Variants in THSD7A observed in about 807,000 individuals in gnomAD.
THSD7A encodes the protein thrombospondin type 1 domain containing 7A.
A neutral mutation model predicts 231.3 loss-of-function variants in THSD7A; 96 were observed. The ratio of observed to expected loss-of-function variants is 0.41; its 90% CI spans 0.35 to 0.49. The LOEUF (loss-of-function observed/expected upper bound fraction) is 0.49. Ranked by LOEUF, THSD7A falls within the 20% of genes least tolerant of loss-of-function variation. The pLI is 0.05. For synonymous variants in THSD7A, 940 were observed against 743.3 expected (o/e 1.26, Z -4.30); for missense variants, 2,290 against 2,070.2 (o/e 1.11, Z -2.06).
chr7:11,710,408 A>G (rs1265622133), intron 1 of THSD7A, among the ~76,000 whole-genome samples: 4 of 150,886 alleles, frequency 2.7e-5, no homozygotes, highest in South Asian at 2.1e-4. Flanking sequence ...TGTTCAATCC[A>G]CTCATCAAAG....
chr7:11,376,208 T>C (rs1004927164), intron 27 of THSD7A, among the ~76,000 whole-genome samples: 1 of 152,098 alleles, frequency 6.6e-6, no homozygotes, highest in Non-Finnish European at 1.5e-5. Flanking sequence ...ATGCATAATT[T>C]ATAAATTATA....
chr7:11,508,897 T>G (rs1185935892), intron 6 of THSD7A, among the ~76,000 whole-genome samples: 2 of 152,118 alleles, frequency 1.3e-5, no homozygotes, highest in East Asian at 3.9e-4. Context: ...ATAGTTAAAT[T>G]CATAGAATCA....
rs1783417918 is a variant in THSD7A, at chr7:11,401,875, C to A, written c.4331G>T (p.Arg1444Ile). The A allele has an allele frequency of 6.2e-7, 1 of 1,613,832 alleles. No homozygotes were observed. The highest frequency in any genetic ancestry group is 8.5e-7 in the Non-Finnish European group (1 of 1,179,892). The change falls in exon 23 of 28, where the codon AGA (arginine) becomes ATA (isoleucine). Residue 1444 changes from arginine to isoleucine, a missense_variant. By Grantham distance (97) the Arg-to-Ile change is moderately conservative. Coordinates refer to ENST00000423059, the MANE Select transcript of THSD7A (RefSeq NM_015204.3). Reference protein sequence around the residue: ...EDLGFGGIQVRSRPVIIQELE... With the variant: ...EDLGFGGIQVISRPVIIQELE... ...TTCTTGTATAATCACCGGTCTGGATCTGACCTGTATTCCACCAAAGCCTAG... is the reference window on the plus strand; with the variant it reads ...TTCTTGTATAATCACCGGTCTGGATATGACCTGTATTCCACCAAAGCCTAG...
chr7:11,592,870 T>C (rs1780218094), intron 3 of THSD7A, among the ~76,000 whole-genome samples: 1 of 152,146 alleles, frequency 6.6e-6, no homozygotes, highest in African/African-American at 2.4e-5. Flanking sequence ...TTTTTTTTTA[T>C]ATAAATAAAA....
intron 1 of THSD7A, among the ~76,000 whole-genome samples, chr7:11,724,564 C>T (rs115899165): frequency 6.6e-6 from 1 of 151,944 alleles, no homozygotes; most frequent in African/African-American, 2.4e-5. Context: ...CACATACCCC[C>T]ACACCTACAA....
rs1417007680 is a variant in THSD7A at position 11,634,480 on chromosome 7, A to G, written c.1022+1650T>C. On this transcript the variant is annotated intron_variant, in intron 2 of 27. Coordinates refer to ENST00000423059, the MANE Select transcript of THSD7A (RefSeq NM_015204.3). The surrounding 1 kb of genome is among the most constrained non-coding windows in gnomAD (Gnocchi z 4.1). ...ATTTGATGTCAGCCAAGTAACTAATATAACTGTAATATACTTCAGGAAAAG... is the reference window on the plus strand; with the variant it reads ...ATTTGATGTCAGCCAAGTAACTAATGTAACTGTAATATACTTCAGGAAAAG... Among the ~76,000 whole-genome samples the G allele has an allele frequency of 6.6e-6, 1 of 152,208 alleles. No individual in the cohort carries two copies. The highest frequency in any genetic ancestry group is 1.5e-5 in the Non-Finnish European group (1 of 68,036).
At chr7:11,714,928 T>A (rs1242699905) in intron 1 of THSD7A, among the ~76,000 whole-genome samples, 3 of 151,328 alleles carry the variant, frequency 2.0e-5, no homozygotes, top group African/African-American at 7.3e-5. Flanking sequence ...AATAATCAAA[T>A]AAAAAAGAAG....
intron 23 of THSD7A, among the ~76,000 whole-genome samples, chr7:11,382,924 T>TTATA (rs140393382): frequency 0.036 from 5,283 of 147,422 alleles, 302 homozygotes; most frequent in African/African-American, 0.12. Flanking sequence ...ATATATATAG[T>TTATA]TATATATATA....
chr7:11,535,302 C>CAATTTTTTACT (rs1788868383), intron 6 of THSD7A, among the ~76,000 whole-genome samples: 1 of 151,998 alleles, frequency 6.6e-6, no homozygotes, highest in Non-Finnish European at 1.5e-5. Context: ...CTAAGATATC[C>CAATTTTTTACT]AAGTGTATTG....
At chr7:11,518,474 C>T (rs947447884) in intron 6 of THSD7A, among the ~76,000 whole-genome samples, 6 of 152,072 alleles carry the variant, frequency 3.9e-5, no homozygotes, top group African/African-American at 1.4e-4. Flanking sequence ...AAGTGCCAGG[C>T]TTCATTCATT....
At chr7:11,423,926 C>T (rs1431666591) in intron 16 of THSD7A, among the ~76,000 whole-genome samples, 3 of 152,056 alleles carry the variant, frequency 2.0e-5, no homozygotes, top group Non-Finnish European at 2.9e-5. Context: ...TAGGGAATTC[C>T]TATGAATATG....
chr7:11,416,125 A>G (rs1376348131), intron 17 of THSD7A, among the ~76,000 whole-genome samples: 1 of 152,198 alleles, frequency 6.6e-6, no homozygotes, highest in Non-Finnish European at 1.5e-5. Flanking sequence ...ATTCCTATCC[A>G]AACATTCCTA....
chr7:11,410,138 T>A (rs1466084293), intron 19 of THSD7A, among the ~76,000 whole-genome samples: 2 of 152,208 alleles, frequency 1.3e-5, no homozygotes, highest in Non-Finnish European at 2.9e-5. Flanking sequence ...TTATTCAAGT[T>A]TAAATAATGA....
At chr7:11,571,891 ATTTAT>A (rs1790649741) in intron 4 of THSD7A, among the ~76,000 whole-genome samples, 1 of 149,240 alleles carries the variant, frequency 6.7e-6, no homozygotes, top group Non-Finnish European at 1.5e-5. Flanking sequence ...TCCTCTTTGT[ATTTAT>A]TCTGCTGGTG....
intron 1 of THSD7A, among the ~76,000 whole-genome samples, chr7:11,812,798 G>A (rs752921019): frequency 6.6e-5 from 10 of 152,070 alleles, no homozygotes; most frequent in Non-Finnish European, 1.5e-4. Context: ...TCATTTTTAG[G>A]TATATCATAA....
chr7:11,493,884 A>G (rs1786996629), intron 6 of THSD7A, among the ~76,000 whole-genome samples: 1 of 151,974 alleles, frequency 6.6e-6, no homozygotes, highest in South Asian at 2.1e-4. Context: ...CATCTAGTTT[A>G]TAAGGTATTT....
chr7:11,634,402 TAACCCAG>T lies in THSD7A; in HGVS notation c.1022+1721_1022+1727del. On this transcript the variant is annotated intron_variant, in intron 2 of 27. Coordinates refer to ENST00000423059, the MANE Select transcript of THSD7A (RefSeq NM_015204.3). The surrounding 1 kb of genome is among the most constrained non-coding windows in gnomAD (Gnocchi z 4.1). ...GTTAAATTAAATGTCTACAGCATGCTAACCCAGTGATAGCAGGAAACAACTCAACTTG... is the reference window on the plus strand; with the variant it reads ...GTTAAATTAAATGTCTACAGCATGCTTGATAGCAGGAAACAACTCAACTTG... Among the ~76,000 whole-genome samples the T allele has an allele frequency of 6.6e-6, 1 of 152,280 alleles. No individual in the cohort carries two copies. Among genetic ancestry groups the T allele is most frequent in the African/African-American group, 2.4e-5 (1 of 41,554 alleles).
At chr7:11,644,148 C>A (rs1221591077) in intron 1 of THSD7A, among the ~76,000 whole-genome samples, 2 of 151,656 alleles carry the variant, frequency 1.3e-5, no homozygotes, top group Non-Finnish European at 2.9e-5. Context: ...AATATCCTTC[C>A]CTGTTTTTCA....
Position 11,446,363 on chromosome 7 carries a change from A to G in THSD7A, c.2801-39T>C, listed in dbSNP as rs752975816. 2.5e-6 allele frequency: 4 copies of G among 1,579,012 alleles called. No homozygotes were observed. The highest frequency in any genetic ancestry group is 1.8e-5 in the Admixed American group (1 of 55,872). On this transcript the variant is annotated intron_variant, in intron 12 of 27. Transcript: ENST00000423059. This position sits in a 1 kb window ranked among gnomAD's most constrained non-coding sequence, Gnocchi z 4.0. ...ACAATCAGGCAATTTAAGTTGGAAA[A>G]TACCATCATTAATTTCACACATCCC...
Sources: gnomAD v4.1 joint callset for allele counts (sites outside exome capture counted in the v4.1 genomes callset) on GRCh38, gnomAD v4.1.1 for gene constraint, Gnocchi (gnomAD v3.1) non-coding constraint, MANE v1.5 for transcripts, NCBI Gene and HGNC (gene_info 2026-07-23, HGNC 2026-07-21) for gene names.